The following TMEM131 variants were observed in gnomAD, a reference collection of about 807,000 sequenced individuals.
TMEM131 encodes transmembrane protein 131.
In TMEM131, 66 loss-of-function variants were observed where a neutral mutation model predicts 211.6. That is an observed-to-expected ratio of 0.31 (90% confidence interval 0.26 to 0.38). TMEM131 has a LOEUF of 0.38. Ranked by LOEUF, TMEM131 falls within the 10% of genes least tolerant of loss-of-function variation. TMEM131 has a pLI of 1.00. For missense variants in TMEM131, 2,036 were observed against 2,299.3 expected, an observed-to-expected ratio of 0.89 and a Z score of 2.34; for synonymous variants, 844 against 841.3, an observed-to-expected ratio of 1.00 and a Z score of -0.06.
At chr2:97,991,119 T>C (rs1229909157) in intron 1 of TMEM131, among the ~76,000 whole-genome samples, 1 of 152,222 alleles carries the variant, frequency 6.6e-6, no homozygotes, top group African/African-American at 2.4e-5. Flanking sequence ...TATATTACAA[T>C]GAAAGTTTAG....
At chr2:97,833,077 G>C (rs917978746) in intron 11 of TMEM131, among the ~76,000 whole-genome samples, 3 of 152,090 alleles carry the variant, frequency 2.0e-5, no homozygotes, top group Admixed American at 6.5e-5. Context: ...ATGGCCCACA[G>C]ATTTTAGGAT....
chr2:97,798,777 C>T (rs531453253), intron 25 of TMEM131, among the ~76,000 whole-genome samples: 1 of 152,366 alleles, frequency 6.6e-6, no homozygotes, highest in South Asian at 2.1e-4. Flanking sequence ...GTGTTAACTG[C>T]TATTTTTTTC....
In TMEM131 at chr2:97,876,916, CT is replaced by C. The variant is rs1266170055; in HGVS notation, c.359+11135del. 1.1e-4 allele frequency among the ~76,000 whole-genome samples: 17 copies of C among 152,264 alleles called. 1 individual carries two copies. In the East Asian group the frequency reaches 2.5e-3, roughly 22 times the overall value. ...AGAAAAGGAGGAAGTCAAATTGTAT[CT>C]GTTTGCAGATGAAATGATGATACGT... On this transcript the variant is annotated intron_variant, in intron 4 of 40. Transcript: ENST00000186436.
At position 97,943,051 on chromosome 2, in the gene TMEM131, A is replaced by AAGAAAGAAAGAAAG. The variant is rs1399868987; in HGVS notation, c.188-15578_188-15565dup. Among the ~76,000 whole-genome samples, 3 of 70,382 alleles carry AAGAAAGAAAGAAAG rather than the reference A, an allele frequency of 4.3e-5. No homozygotes were observed. The East Asian group carries it at 7.7e-4, about 18-fold the overall frequency. 46.2% of individuals were successfully genotyped at this position (70,382 alleles called of 152,430 possible). On this transcript the variant is annotated intron_variant, in intron 1 of 40. Coordinates refer to ENST00000186436, the MANE Select transcript of TMEM131 (RefSeq NM_015348.2). ...GAAAAGAAAAGAAAAGAAAGAAAGA[A>AAGAAAGAAAGAAAG]AGAAAGAAAGAAAGAAAGAAAGAAA...
Position 97,796,222 on chromosome 2 carries a change from T to C in TMEM131, c.3196A>G (p.Ile1066Val). 1.3e-6 allele frequency: 2 copies of C among 1,514,124 alleles called. No homozygotes were observed. Among genetic ancestry groups the C allele is most frequent in the South Asian group, 1.3e-5 (1 of 79,798 alleles). The allele number at this position is 1,514,124 out of a possible 1,614,324, so 93.8% of individuals were successfully genotyped here. ...ACCTTAAAATAAAATACTTACAATATGATTATATCTCTAGAAGCATTGGCA... is the reference window on the plus strand; with the variant it reads ...ACCTTAAAATAAAATACTTACAATACGATTATATCTCTAGAAGCATTGGCA... The part of the protein sequence containing the change: ...LSANASRDII[I>V]LFTPDFTASR... The change falls in exon 28 of 41, where the codon ATA becomes GTA. Residue 1066 changes from isoleucine (I) to valine (V), a missense_variant. Physicochemically the swap from Ile to Val is conservative, Grantham distance 29. Transcript: ENST00000186436.
At chr2:97,983,587 C>T (rs183674771) in intron 1 of TMEM131, among the ~76,000 whole-genome samples, 115 of 152,294 alleles carry the variant, frequency 7.6e-4, no homozygotes, top group African/African-American at 1.9e-3. Flanking sequence ...CAACATGAAC[C>T]TGTGATCAAT....
At chr2:97,765,119 GTCT>G (rs1393203330) in intron 35 of TMEM131, 3 of 152,346 alleles carry the variant, frequency 2.0e-5, no homozygotes, top group East Asian at 1.9e-4. Context: ...ACCACCCACG[GTCT>G]TCTTCAAGAT....
At chr2:97,833,584 C>T (rs963335579) in intron 10 of TMEM131, among the ~76,000 whole-genome samples, 158 bp from the exon 11 acceptor site, 1 of 151,278 alleles carries the variant, frequency 6.6e-6, no homozygotes, top group East Asian at 1.9e-4. Flanking sequence ...TTGCTTTACT[C>T]ATAAGGACAT....
chr2:97,806,949 G>A (rs554817170), intron 19 of TMEM131, among the ~76,000 whole-genome samples: 1 of 152,098 alleles, frequency 6.6e-6, no homozygotes, highest in Non-Finnish European at 1.5e-5. Context: ...AGGAGCCCTC[G>A]GGCAGTCACC....
At chr2:97,916,870 T>C (rs1446460488) in intron 2 of TMEM131, among the ~76,000 whole-genome samples, 1 of 152,234 alleles carries the variant, frequency 6.6e-6, no homozygotes, top group South Asian at 2.1e-4. Flanking sequence ...ATCTCATGTA[T>C]TTAAGAATTT....
chr2:97,976,770 C>G (rs767126664), intron 1 of TMEM131, among the ~76,000 whole-genome samples: 7 of 152,060 alleles, frequency 4.6e-5, no homozygotes, highest in Non-Finnish European at 8.8e-5. Context: ...GCAGTCAAGA[C>G]AGTGTGGTAC....
At chr2:97,887,835 G>A in intron 4 of TMEM131, 1 of 436,716 alleles carries the variant, frequency 2.3e-6, no homozygotes, top group Non-Finnish European at 4.1e-6. Flanking sequence ...CAACAAGCGA[G>A]TATTTTTCAA....
rs186340248 is a variant in TMEM131 at position 97,756,654 on chromosome 2, T to C, written c.*445A>G. On this transcript the variant is annotated 3_prime_UTR_variant, in exon 41 of 41. Coordinates refer to ENST00000186436, the MANE Select transcript of TMEM131 (RefSeq NM_015348.2). ...GTCCTCATACAGTTTTAAAATTAGATCTTGGCGCATAATATTGAGAAATTA... is the reference window on the plus strand; with the variant it reads ...GTCCTCATACAGTTTTAAAATTAGACCTTGGCGCATAATATTGAGAAATTA... 2.0e-5 allele frequency: 3 copies of C among 153,116 alleles called. No individual in the cohort carries two copies. Among genetic ancestry groups the C allele is most frequent in the African/African-American group, 7.2e-5 (3 of 41,602 alleles). 9.5% of individuals were successfully genotyped at this position (153,116 alleles called of 1,614,324 possible). A position where few individuals can be genotyped will look rare whatever the true frequency, so the allele number is the denominator to read the frequency against.
chr2:97,995,249 T>C (rs1230776991), intron 1 of TMEM131, among the ~76,000 whole-genome samples: 1 of 152,236 alleles, frequency 6.6e-6, no homozygotes, highest in East Asian at 1.9e-4. Flanking sequence ...TCAGGAAGTT[T>C]TGAAATGGCA....
At chr2:97,881,508 G>A (rs998574573) in intron 4 of TMEM131, among the ~76,000 whole-genome samples, 1 of 151,846 alleles carries the variant, frequency 6.6e-6, no homozygotes, top group Non-Finnish European at 1.5e-5. Flanking sequence ...GCATCTGGCT[G>A]TGACTCTTTT....
chr2:97,859,390 G>A lies in TMEM131; in HGVS notation c.397C>T (p.His133Tyr), dbSNP rs202224948. Residue 133 changes from histidine (H) to tyrosine (Y), a missense_variant, in exon 5 of 41, where the codon CAT becomes TAT. Coordinates refer to ENST00000186436, the MANE Select transcript of TMEM131 (RefSeq NM_015348.2). ...GMPKMEKVYL[H>Y]NPSSEETITL... Reference sequence around the variant, plus strand: ...ATCGTTTCTTCAGAACTAGGATTATGTAAGTAGACTTTTTCCATTTTTGGC... The same window carrying A: ...ATCGTTTCTTCAGAACTAGGATTATATAAGTAGACTTTTTCCATTTTTGGC... 6.3e-7 allele frequency: 1 copy of A among 1,594,150 alleles called. No homozygotes were observed. Among genetic ancestry groups the A allele is most frequent in the Non-Finnish European group, 8.5e-7 (1 of 1,173,844 alleles).
At chr2:97,885,847 C>A (rs1443976914) in intron 4 of TMEM131, among the ~76,000 whole-genome samples, 1 of 152,170 alleles carries the variant, frequency 6.6e-6, no homozygotes, top group Non-Finnish European at 1.5e-5. Flanking sequence ...TTTTCAGCTA[C>A]TATTTCATTA....
intron 4 of TMEM131, among the ~76,000 whole-genome samples, chr2:97,878,743 C>G (rs531361409): frequency 6.6e-6 from 1 of 152,040 alleles, no homozygotes; most frequent in Non-Finnish European, 1.5e-5. Flanking sequence ...AAGTACCTAA[C>G]GTAGGTGATG....
chr2:97,810,190 T>G (rs1299348393), intron 18 of TMEM131, among the ~76,000 whole-genome samples: 1 of 152,134 alleles, frequency 6.6e-6, no homozygotes, highest in Non-Finnish European at 1.5e-5. Flanking sequence ...GCTTTTTTTT[T>G]GATACAGAAA....
Sources: gnomAD v4.1 joint callset for allele counts (sites outside exome capture counted in the v4.1 genomes callset) on GRCh38, gnomAD v4.1.1 for gene constraint, MANE v1.5 for transcripts, NCBI Gene and HGNC (gene_info 2026-07-23, HGNC 2026-07-21) for gene names.